The following ZNF91 variants were observed in gnomAD, a reference collection of about 807,000 sequenced individuals.
ZNF91 encodes zinc finger protein 91 (HPF7, HTF10).
In ZNF91, 7 loss-of-function variants were observed where a neutral mutation model predicts 12.6. The ratio of observed to expected loss-of-function variants is 0.55; its 90% CI spans 0.31 to 1.04. The LOEUF is 1.04. Among genes scored for constraint, ZNF91 ranks in the 50% least tolerant of loss-of-function variants. The pLI is 0.05. For missense variants in ZNF91, 1,217 were observed against 1,385.4 expected (o/e 0.88, Z 1.93); for synonymous variants, 453 against 462.6 (o/e 0.98, Z 0.27).
Position 23,359,278 on chromosome 19 carries a change from A to C in ZNF91, c.*125T>G, listed in dbSNP as rs1480537167. The C allele has an allele frequency of 2.0e-6, 1 of 490,642 alleles. No individual in the cohort carries two copies. Among genetic ancestry groups the C allele is most frequent in the East Asian group, 3.8e-5 (1 of 26,580 alleles). 30.4% of individuals were successfully genotyped at this position (490,642 alleles called of 1,614,324 possible). ...CGCTCTGTCGCCCAGGCTTGAGTGC[A>C]GTGGCGTGATCTCGGCTCACTGCAA... On this transcript the variant is annotated 3_prime_UTR_variant, in exon 4 of 4. Transcript: ENST00000300619.
chr19:23,348,418 A>G (rs892801641), intron 3 of ZNF91, among the ~76,000 whole-genome samples: 1 of 152,176 alleles, frequency 6.6e-6, no homozygotes, highest in Non-Finnish European at 1.5e-5. Context: ...CTTTACTGCA[A>G]TCTCTGAACA....
downstream of ZNF91, among the ~76,000 whole-genome samples, chr19:23,336,874 G>A (rs772890953): frequency 1.4e-4 from 22 of 152,042 alleles, no homozygotes; most frequent in Non-Finnish European, 2.5e-4. Context: ...GGTTCATGCC[G>A]TTCTCCTGCT....
At chr19:23,390,469 G>T (rs974455633) in intron 1 of ZNF91, among the ~76,000 whole-genome samples, 3 of 151,436 alleles carry the variant, frequency 2.0e-5, no homozygotes, top group Admixed American at 6.6e-5. Flanking sequence ...ACTTTATGGT[G>T]GGGGGGCGGA....
At chr19:23,328,268 T>C (rs1967871254) in intron 1 of ZNF91, 1 of 152,174 alleles carries the variant, frequency 6.6e-6, no homozygotes, top group African/African-American at 2.4e-5. Flanking sequence ...GACAAGAAGC[T>C]ATGAAGTAAA....
At position 23,393,259 on chromosome 19, in the gene ZNF91, T is replaced by C. The variant is rs1478175835; in HGVS notation, c.30+2066A>G. Among the ~76,000 whole-genome samples the C allele has an allele frequency of 2.0e-5, 3 of 152,132 alleles. No homozygotes were observed. The South Asian group carries it at 6.2e-4, about 32-fold the overall frequency. ...CTGAATTGGGTGAAGGCAATATTAA[T>C]GTCTCAAGGAATTAACTTTAAAAAA... On this transcript the variant is annotated intron_variant, in intron 1 of 3. Transcript: ENST00000300619.
intron 1 of ZNF91, among the ~76,000 whole-genome samples, chr19:23,385,956 T>G (rs1225442604): frequency 6.6e-6 from 1 of 152,098 alleles, no homozygotes; most frequent in African/African-American, 2.4e-5. Context: ...TTACATGCCT[T>G]TGGAAAAAAA....
upstream of ZNF91, among the ~76,000 whole-genome samples, chr19:23,310,914 C>T (rs1185690255): frequency 6.6e-6 from 1 of 152,172 alleles, no homozygotes; most frequent in Non-Finnish European, 1.5e-5. Context: ...ATTACTTGGA[C>T]TATTACCAAG....
In ZNF91 at chr19:23,360,516, A is replaced by G. The variant is rs776357086; in HGVS notation, c.2463T>C (p.Thr821=). 5 of 1,613,838 alleles carry G rather than the reference A, an allele frequency of 3.1e-6. No individual in the cohort carries two copies. The highest frequency in any genetic ancestry group is 4.2e-6 in the Non-Finnish European group (5 of 1,179,970). ...STLTKHKTIH[T]GEKPYKCKEC... is the part of the protein sequence containing the mutation. Reference sequence around the variant, plus strand: ...CTTTACATTTGTAGGGTTTCTCTCCAGTATGAATTGTCTTATGCTTAGTAA... The same window carrying G: ...CTTTACATTTGTAGGGTTTCTCTCCGGTATGAATTGTCTTATGCTTAGTAA... The change falls in exon 4 of 4, where the codon ACT becomes ACC. Residue 821 remains threonine (T), a synonymous_variant. Coordinates refer to ENST00000300619, the MANE Select transcript of ZNF91 (RefSeq NM_003430.4).
intron 1 of ZNF91, among the ~76,000 whole-genome samples, chr19:23,381,919 T>C (rs1221326188): frequency 3.9e-5 from 6 of 152,184 alleles, no homozygotes; most frequent in Non-Finnish European, 7.3e-5. Context: ...AACTTTTGTG[T>C]GCTTTTAGAA....
At chr19:23,321,950 C>G (rs1212349992) in intron 1 of ZNF91, among the ~76,000 whole-genome samples, 1 of 152,158 alleles carries the variant, frequency 6.6e-6, no homozygotes, top group Non-Finnish European at 1.5e-5. Context: ...ATCTCTTAGC[C>G]CATCAACTAT....
upstream of ZNF91, among the ~76,000 whole-genome samples, chr19:23,314,382 T>G (rs962730491): frequency 1.3e-5 from 2 of 152,158 alleles, no homozygotes; most frequent in African/African-American, 4.8e-5. Context: ...GGGTAACTTG[T>G]CCCTGGATGC....
intron 3 of ZNF91, among the ~76,000 whole-genome samples, chr19:23,345,441 C>A (rs1426183924): frequency 6.6e-6 from 1 of 152,182 alleles, no homozygotes; most frequent in African/African-American, 2.4e-5. Flanking sequence ...ACAATTTTAA[C>A]TGACTTAATC....
chr19:23,372,710 C>G (rs960495239), intron 3 of ZNF91, among the ~76,000 whole-genome samples: 42 of 152,354 alleles, frequency 2.8e-4, no homozygotes, highest in African/African-American at 9.9e-4. Context: ...TATAGCCATG[C>G]AGCAGGCCTG....
At chr19:23,385,245 GC>G in intron 1 of ZNF91, 1 of 555,288 alleles carries the variant, frequency 1.8e-6, no homozygotes. Flanking sequence ...TTGATATTGG[GC>G]CCTCACTTTT....
At chr19:23,324,321 CCTT>C (rs1967794958) in intron 1 of ZNF91, 2 of 151,770 alleles carry the variant, frequency 1.3e-5, no homozygotes, top group Admixed American at 6.6e-5. Context: ...CTTTCCTCCT[CCTT>C]TTCTTCTCTT....
intron 1 of ZNF91, among the ~76,000 whole-genome samples, chr19:23,389,188 G>C (rs2145137275): frequency 6.6e-6 from 1 of 152,236 alleles, no homozygotes; most frequent in East Asian, 1.9e-4. Context: ...GTAGGGAAGA[G>C]TACACTCCAG....
At chr19:23,373,208 T>C (rs1361011059) in intron 3 of ZNF91, among the ~76,000 whole-genome samples, 1 of 152,040 alleles carries the variant, frequency 6.6e-6, no homozygotes, top group Admixed American at 6.6e-5. Flanking sequence ...TGCAAAACTA[T>C]TGTTTCTTAT....
intron 1 of ZNF91, among the ~76,000 whole-genome samples, chr19:23,330,923 T>A (rs1180452670): frequency 6.6e-6 from 1 of 152,228 alleles, no homozygotes; most frequent in Non-Finnish European, 1.5e-5. Flanking sequence ...TCTTACCAGA[T>A]AATTACCATG....
At chr19:23,349,517 C>T (rs1968311796) in intron 3 of ZNF91, among the ~76,000 whole-genome samples, 1 of 152,202 alleles carries the variant, frequency 6.6e-6, no homozygotes, top group Admixed American at 6.5e-5. Flanking sequence ...CTCCTTAATC[C>T]AGACATGGTC....
Sources: allele counts gnomAD v4.1 joint callset (sites outside exome capture counted in the v4.1 genomes callset), GRCh38; gene constraint gnomAD v4.1.1; transcripts MANE v1.5; gene names NCBI Gene and HGNC (gene_info 2026-07-23, HGNC 2026-07-21).